The following TAF6L variants were observed in gnomAD, a reference collection of about 807,000 sequenced individuals.
TAF6L encodes TATA-box binding protein associated factor 6 like.
TAF6L carries 34 observed loss-of-function variants against 57.3 expected under a neutral mutation model. The ratio of observed to expected loss-of-function variants is 0.59; its 90% CI spans 0.45 to 0.79. The LOEUF is 0.79. Among genes scored for constraint, TAF6L ranks in the 30% least tolerant of loss-of-function variants. The pLI, the probability that TAF6L is intolerant of heterozygous loss-of-function variation, is 0.00. For synonymous variants in TAF6L, 417 were observed against 376.3 expected, an observed-to-expected ratio of 1.11 and a Z score of -1.25; for missense variants, 782 against 853.2, an observed-to-expected ratio of 0.92 and a Z score of 1.04.
chr11:62,786,837 G>A lies in TAF6L; in HGVS notation c.1410G>A (p.Gly470=), dbSNP rs1171977060. The part of the protein sequence containing the change: ...QPAPTAPRPP[G]DKKEPAAAPD... ...CACCCACGGCTCCGCGGCCGCCCGG[G>A]GACAAGAAGGAGCCGGCGGCAGCCC... is the stretch of plus-strand genomic sequence containing the variant. Residue 470 remains glycine, a synonymous_variant, in exon 11 of 11, where the codon GGG becomes GGA. Transcript: ENST00000294168. 3.1e-6 allele frequency: 5 copies of A among 1,600,784 alleles called. No individual in the cohort carries two copies. The African/African-American group carries it at 4.0e-5, about 13-fold the overall frequency.
In TAF6L at chr11:62,786,956, C is replaced by G; in HGVS notation, c.1529C>G (p.Pro510Arg). 2.1e-6 allele frequency: 3 copies of G among 1,447,950 alleles called. No individual in the cohort carries two copies. The highest frequency in any genetic ancestry group is 2.7e-6 in the Non-Finnish European group (3 of 1,111,216). The allele number at this position is 1,447,950 out of a possible 1,614,324, so 89.7% of individuals were successfully genotyped here. The change falls in exon 11 of 11, where the codon CCC (proline) becomes CGC (arginine). Residue 510 changes from proline (P) to arginine (R), a missense_variant. Pro to Arg is a moderately radical substitution (Grantham distance 103). Around this residue, in one of 3 missense-constraint regions of TAF6L, gnomAD observed 483 missense variants for 445.1 expected, o/e 1.09. Coordinates refer to ENST00000294168, the MANE Select transcript of TAF6L (RefSeq NM_006473.4). ...CCCCGGGGCAGCGGCGGAGGCGGCC[C>G]CGCGTCGGCCTCTGGGCCCGCCGCC... is the stretch of plus-strand genomic sequence containing the variant. Reference protein sequence around the residue: ...ESPRGSGGGGPASASGPAASE... With the variant: ...ESPRGSGGGGRASASGPAASE...
Position 62,775,918 on chromosome 11 carries a change from A to T in TAF6L, c.135A>T (p.Arg45Ser). Residue 45 changes from arginine (R) to serine (S), a missense_variant, in exon 2 of 11, where the codon AGA becomes AGT. Physicochemically the swap from Arg to Ser is moderately radical, Grantham distance 110 (BLOSUM62 -1). Coordinates refer to ENST00000294168, the MANE Select transcript of TAF6L (RefSeq NM_006473.4). ...LLAEDVCYRL[R>S]EATQNSSQFM... The stretch of plus-strand genomic sequence containing the variant: ...CAGAGGACGTGTGCTATCGTCTGAG[A>T]GAGGCCACGCAGGTACACTCCCCTC... 6.2e-7 allele frequency: 1 copy of T among 1,611,318 alleles called. No individual in the cohort carries two copies. Among genetic ancestry groups the T allele is most frequent in the Non-Finnish European group, 8.5e-7 (1 of 1,178,522 alleles).
At chr11:62,784,434 G>A (rs552886384) in intron 9 of TAF6L, among the ~76,000 whole-genome samples, 75 of 151,662 alleles carry the variant, frequency 4.9e-4, no homozygotes, top group Non-Finnish European at 9.1e-4. Context: ...CCTCCCGAGA[G>A]TAGCTGGGAC....
chr11:62,783,862 T>A (rs2084249142), intron 9 of TAF6L, among the ~76,000 whole-genome samples: 1 of 151,170 alleles, frequency 6.6e-6, no homozygotes, highest in Non-Finnish European at 1.5e-5. Context: ...ACAAGTTCTA[T>A]TCTGTTGATA....
At chr11:62,775,988 A>C (rs1466152279) in intron 2 of TAF6L, 58 bp downstream of exon 2, 27 of 1,545,532 alleles carry the variant, frequency 1.7e-5, no homozygotes, top group Non-Finnish European at 2.2e-5. Flanking sequence ...CTTTTTACTA[A>C]CCTCCACCCT....
rs1183330048 is a variant in TAF6L, at chr11:62,771,432, C to G, written c.-72C>G. On this transcript the variant is annotated 5_prime_UTR_variant, in exon 1 of 11. Transcript: ENST00000294168. ...GTGTGAGCTCGTGAGTGGGCGCCGCCGCCACCGCCCCCGCCGCCGTCGTCT... is the reference window on the plus strand; with the variant it reads ...GTGTGAGCTCGTGAGTGGGCGCCGCGGCCACCGCCCCCGCCGCCGTCGTCT... 6.4e-6 allele frequency: 1 copy of G among 156,778 alleles called. No individual in the cohort carries two copies. The highest frequency in any genetic ancestry group is 6.5e-5 in the Admixed American group (1 of 15,346). 9.7% of individuals were successfully genotyped at this position (156,778 alleles called of 1,614,324 possible).
intron 6 of TAF6L, among the ~76,000 whole-genome samples, chr11:62,780,665 C>G (rs189803643): frequency 2.1e-4 from 32 of 151,732 alleles, no homozygotes; most frequent in African/African-American, 7.3e-4. Context: ...TGCGGTGGTT[C>G]ACGCCTGTAA....
At chr11:62,786,480 C>G in intron 10 of TAF6L, 37 bp from the exon 11 acceptor site, 1 of 1,579,406 alleles carries the variant, frequency 6.3e-7, no homozygotes, top group Non-Finnish European at 8.6e-7. Flanking sequence ...CCAGGTTCCT[C>G]GAATTTTTTG....
At chr11:62,784,387 C>T (rs11231216) in intron 9 of TAF6L, among the ~76,000 whole-genome samples, 10,842 of 151,034 alleles carry the variant, frequency 0.072, 426 homozygotes, top group East Asian at 0.14. Flanking sequence ...TAACTGCAAC[C>T]TCCGCCTCCC....
chr11:62,778,454 G>T, intron 5 of TAF6L, 119 bp downstream of exon 5: 1 of 1,276,186 alleles, frequency 7.8e-7, no homozygotes, highest in Non-Finnish European at 1.1e-6. Flanking sequence ...CCTGCCTTGT[G>T]CCATGGTCTG....
Position 62,776,410 on chromosome 11 carries a change from C to A in TAF6L, c.174C>A (p.Thr58=). The change falls in exon 3 of 11, where the codon ACC becomes ACA. Residue 58 remains threonine, a synonymous_variant. Transcript: ENST00000294168. ...TQNSSQFMKH[T]KRRKLTVEDF... is the part of the protein sequence containing the mutation. The stretch of plus-strand genomic sequence containing the variant: ...ATAGCTCTCAGTTCATGAAGCACAC[C>A]AAACGCCGGAAGCTGACGGTTGAGG... The A allele has an allele frequency of 5.0e-6, 8 of 1,613,746 alleles. No individual in the cohort carries two copies. Among genetic ancestry groups the A allele is most frequent in the Non-Finnish European group, 6.8e-6 (8 of 1,179,760 alleles).
chr11:62,781,552 T>C (rs2084229710), intron 6 of TAF6L, among the ~76,000 whole-genome samples: 2 of 151,324 alleles, frequency 1.3e-5, no homozygotes, highest in Non-Finnish European at 1.5e-5. Context: ...CAGGCGCCTG[T>C]AGTCCCAGCT....
In TAF6L at chr11:62,779,978, T is replaced by TA. The variant is rs1590935179; in HGVS notation, c.531+1015_531+1016insA. On this transcript the variant is annotated intron_variant, in intron 6 of 10. Transcript: ENST00000294168. The stretch of plus-strand genomic sequence containing the variant: ...TATATATATATATATATATATATAT[T>TA]TTTTTTTTTTTTTTTTTTAGAGACA... Among the ~76,000 whole-genome samples the TA allele has an allele frequency of 2.7e-3, 203 of 74,172 alleles. 1 individual carries two copies. Among genetic ancestry groups the TA allele is most frequent in the East Asian group, 0.026 (39 of 1,476 alleles). The allele number at this position is 74,172 out of a possible 152,430, so 48.7% of individuals were successfully genotyped here.
chr11:62,776,297 C>T (rs377100730), intron 2 of TAF6L, 87 bp from the exon 3 acceptor site: 1 of 1,369,548 alleles, frequency 7.3e-7, no homozygotes, highest in Non-Finnish European at 1.0e-6. Flanking sequence ...TGTTTGCCTT[C>T]TCTCCAGTCT....
intron 6 of TAF6L, among the ~76,000 whole-genome samples, chr11:62,780,300 C>G (rs1290040653): frequency 1.3e-5 from 2 of 150,922 alleles, no homozygotes; most frequent in East Asian, 4.0e-4. Flanking sequence ...CACCTGAGGT[C>G]AGGAGTTCAA....
chr11:62,773,706 C>A (rs921010168), intron 1 of TAF6L, among the ~76,000 whole-genome samples: 14 of 152,090 alleles, frequency 9.2e-5, no homozygotes, highest in African/African-American at 3.4e-4. Flanking sequence ...CCTTGGCCTC[C>A]GAAAGTGCTG....
At chr11:62,773,119 G>GCTCA (rs1197913927) in intron 1 of TAF6L, among the ~76,000 whole-genome samples, 1 of 149,222 alleles carries the variant, frequency 6.7e-6, no homozygotes, top group African/African-American at 2.5e-5. Flanking sequence ...GGGATTACAG[G>GCTCA]CGTGAGCCAC....
At chr11:62,782,905 C>G in intron 9 of TAF6L, 80 bp downstream of exon 9, 2 of 1,566,064 alleles carry the variant, frequency 1.3e-6, no homozygotes, top group South Asian at 1.2e-5. Context: ...ATCGTTATCT[C>G]CAAAATAGTG....
Position 62,782,298 on chromosome 11 carries a change from G to T in TAF6L, c.792G>T (p.Arg264=), listed in dbSNP as rs1405698183. ...INPLNDHWTL[R]DGAALLLSHI... ...CCCTGAATGACCACTGGACTCTGCG[G>T]GATGGGGCTGCCCTCCTGCTCAGCC... is the stretch of plus-strand genomic sequence containing the variant. Residue 264 remains arginine, a synonymous_variant, in exon 8 of 11, where the codon CGG becomes CGT. Transcript: ENST00000294168. 6.2e-7 allele frequency: 1 copy of T among 1,614,092 alleles called. No individual in the cohort carries two copies.
Sources: gnomAD v4.1 joint callset for allele counts (sites outside exome capture counted in the v4.1 genomes callset) on GRCh38, gnomAD v4.1.1 for gene constraint, gnomAD v4.1.1 regional missense constraint, MANE v1.5 for transcripts, NCBI Gene and HGNC (gene_info 2026-07-23, HGNC 2026-07-21) for gene names.